Variants in SCHIP1 observed in about 807,000 individuals in gnomAD.
SCHIP1 encodes schwannomin-interacting protein 1.
Under a neutral mutation model 29.7 loss-of-function variants are expected in SCHIP1, and 8 were observed. The observed-to-expected ratio is 0.27, with a 90% CI of 0.16 to 0.49. SCHIP1 has a LOEUF of 0.49. SCHIP1 is among the 20% of genes least tolerant of loss of function. The pLI is 0.99. For missense variants in SCHIP1, 193 were observed against 294.6 expected (o/e 0.66, Z 2.52); for synonymous variants, 76 against 94.9 (o/e 0.80, Z 1.16).
At chr3:159,543,722 G>T in the SCHIP1 span, among the ~76,000 whole-genome samples, 1 of 151,852 alleles carries the variant, frequency 6.6e-6, no homozygotes, top group African/African-American at 2.4e-5. Flanking sequence ...TAATCCTTTG[G>T]GTATACACCC....
chr3:159,460,174 A>G, the SCHIP1 span, among the ~76,000 whole-genome samples: 2 of 152,322 alleles, frequency 1.3e-5, no homozygotes, highest in East Asian at 1.9e-4. Flanking sequence ...GGAAGCTTCT[A>G]GTAGCTCTCC....
the SCHIP1 span, among the ~76,000 whole-genome samples, chr3:159,805,772 C>T: frequency 6.6e-6 from 1 of 150,900 alleles, no homozygotes; most frequent in Non-Finnish European, 1.5e-5. Flanking sequence ...ATGGCTTTCT[C>T]TTATAAATAT....
chr3:159,309,498 T>C, the SCHIP1 span, among the ~76,000 whole-genome samples: 49 of 152,246 alleles, frequency 3.2e-4, no homozygotes, highest in African/African-American at 1.1e-3. Flanking sequence ...GGAGTTAGAC[T>C]CATTTTCATG....
At chr3:159,321,098 G>A in the SCHIP1 span, among the ~76,000 whole-genome samples, 1 of 152,144 alleles carries the variant, frequency 6.6e-6, no homozygotes, top group Admixed American at 6.5e-5. Flanking sequence ...CCAAGTAGCT[G>A]GGATTATAGG....
At chr3:159,433,907 A>G in the SCHIP1 span, among the ~76,000 whole-genome samples, 3 of 152,168 alleles carry the variant, frequency 2.0e-5, no homozygotes, top group South Asian at 4.1e-4. Flanking sequence ...ACCTGTCCCC[A>G]TTACAGCATT....
the SCHIP1 span, among the ~76,000 whole-genome samples, chr3:159,805,107 C>G: frequency 6.6e-6 from 1 of 152,192 alleles, no homozygotes; most frequent in Non-Finnish European, 1.5e-5. Flanking sequence ...GCCACAAGCC[C>G]TACCACCTGA....
At chr3:159,780,552 T>G in the SCHIP1 span, among the ~76,000 whole-genome samples, 1 of 152,202 alleles carries the variant, frequency 6.6e-6, no homozygotes, top group African/African-American at 2.4e-5. Flanking sequence ...ACCCCTATAC[T>G]TTCCTCCAGT....
At chr3:159,719,307 C>G in the SCHIP1 span, among the ~76,000 whole-genome samples, 1 of 152,182 alleles carries the variant, frequency 6.6e-6, no homozygotes, top group Non-Finnish European at 1.5e-5. Context: ...CAATACCATT[C>G]AGGACATAGG....
chr3:159,491,129 C>A, the SCHIP1 span, among the ~76,000 whole-genome samples: 1 of 152,168 alleles, frequency 6.6e-6, no homozygotes, highest in Non-Finnish European at 1.5e-5. Flanking sequence ...CAGTGGGGAG[C>A]CAAGATGGCC....
At chr3:159,522,937 A>G in the SCHIP1 span, among the ~76,000 whole-genome samples, 2 of 152,114 alleles carry the variant, frequency 1.3e-5, no homozygotes, top group Admixed American at 1.3e-4. Context: ...CTTAATACCC[A>G]CTTTAGTTTT....
the SCHIP1 span, among the ~76,000 whole-genome samples, chr3:159,479,341 T>A: frequency 1.3e-5 from 2 of 151,918 alleles, no homozygotes; most frequent in African/African-American, 4.8e-5. Context: ...CAAAAAAAAA[T>A]CTAAAAGCCA....
At chr3:159,692,961 C>T in the SCHIP1 span, among the ~76,000 whole-genome samples, 2 of 152,106 alleles carry the variant, frequency 1.3e-5, no homozygotes, top group Non-Finnish European at 2.9e-5. Context: ...AGGTCACTGG[C>T]AAACTGAATT....
At chr3:159,821,248 A>C in the SCHIP1 span, among the ~76,000 whole-genome samples, 1 of 152,196 alleles carries the variant, frequency 6.6e-6, no homozygotes. Flanking sequence ...AGGAGAAAAA[A>C]GGGGAGAGAG....
chr3:159,837,409 T>C (rs1436492381), upstream of SCHIP1, among the ~76,000 whole-genome samples: 1 of 152,236 alleles, frequency 6.6e-6, no homozygotes, highest in African/African-American at 2.4e-5. Context: ...TGGCCTGCTC[T>C]TCTTTGCTCA....
chr3:159,711,438 G>A, the SCHIP1 span, among the ~76,000 whole-genome samples: 1 of 148,848 alleles, frequency 6.7e-6, no homozygotes, highest in East Asian at 2.0e-4. Context: ...GCTTCGGGTA[G>A]GTATTAGTAA....
At chr3:159,652,495 G>C in the SCHIP1 span, among the ~76,000 whole-genome samples, 1 of 152,178 alleles carries the variant, frequency 6.6e-6, no homozygotes, top group African/African-American at 2.4e-5. Flanking sequence ...TACTCTGCCA[G>C]GTGGTAAGCT....
the SCHIP1 span, among the ~76,000 whole-genome samples, chr3:159,611,725 C>T: frequency 1.3e-5 from 2 of 152,096 alleles, no homozygotes; most frequent in Non-Finnish European, 2.9e-5. Flanking sequence ...CCCAAAATAG[C>T]ATAGGTAAAC....
At chr3:159,507,041 T>C in the SCHIP1 span, among the ~76,000 whole-genome samples, 4 of 152,244 alleles carry the variant, frequency 2.6e-5, no homozygotes, top group Non-Finnish European at 4.4e-5. Flanking sequence ...GCATTGAATC[T>C]ATAAATTACC....
At chr3:159,531,813 C>T in the SCHIP1 span, among the ~76,000 whole-genome samples, 1 of 152,112 alleles carries the variant, frequency 6.6e-6, no homozygotes, top group Admixed American at 6.6e-5. Context: ...TTGTTTGCCC[C>T]ATTTTTTAAG....
Sources: allele counts gnomAD v4.1 joint callset (sites outside exome capture counted in the v4.1 genomes callset), GRCh38; gene constraint gnomAD v4.1.1; transcripts MANE v1.5; gene names NCBI Gene and HGNC (gene_info 2026-07-23, HGNC 2026-07-21).